Variants in CCSER1 observed in about 807,000 individuals in gnomAD.
CCSER1 encodes the protein serine-rich coiled-coil domain-containing protein 1.
In CCSER1, 41 loss-of-function variants were observed where a neutral mutation model predicts 82.0. The observed-to-expected ratio is 0.50, with a 90% confidence interval of 0.39 to 0.65. The LOEUF is 0.65. Ranked by LOEUF, CCSER1 falls within the 30% of genes least tolerant of loss-of-function variation. CCSER1 has a pLI of 0.00. For missense variants in CCSER1, 1,119 were observed against 1,064.2 expected, an observed-to-expected ratio of 1.05 and a Z score of -0.72; for synonymous variants, 414 against 383.9, an observed-to-expected ratio of 1.08 and a Z score of -0.92.
chr4:91,092,287 G>A (rs34502828), intron 10 of CCSER1, among the ~76,000 whole-genome samples: 14,570 of 152,112 alleles, frequency 0.096, 930 homozygotes, highest in East Asian at 0.27. Context: ...ATCCGTAGAG[G>A]CAGTCCAAAC....
intron 4 of CCSER1, among the ~76,000 whole-genome samples, chr4:90,451,770 T>G (rs1761491712): frequency 6.6e-6 from 1 of 152,228 alleles, no homozygotes; most frequent in Non-Finnish European, 1.5e-5. Flanking sequence ...TTGCTGCCAA[T>G]TTGGCTGCTT....
rs147586087 is a variant in CCSER1 at position 90,591,206 on chromosome 4, C to A, written c.1725-36819C>A. Among the ~76,000 whole-genome samples the A allele has an allele frequency of 2.8e-3, 423 of 152,198 alleles. 4 individuals carry two copies. The highest frequency in any genetic ancestry group is 0.017 in the South Asian group (84 of 4,818). ...ATTTGGGCTGAGAAAATGGGGTTTT[C>A]TAAATATCCAATCATGTCATCTGCA... On this transcript the variant is annotated intron_variant, in intron 5 of 10. Coordinates refer to ENST00000509176, the MANE Select transcript of CCSER1 (RefSeq NM_001145065.2).
intron 10 of CCSER1, among the ~76,000 whole-genome samples, chr4:91,116,434 C>G (rs6848271): frequency 0.17 from 25,971 of 152,030 alleles, 2,737 homozygotes; most frequent in African/African-American, 0.28. Flanking sequence ...AGAATGCCCG[C>G]GAACAAATCC....
chr4:91,396,011 C>T (rs375708088), intron 10 of CCSER1, among the ~76,000 whole-genome samples: 16 of 152,072 alleles, frequency 1.1e-4, no homozygotes, highest in African/African-American at 2.4e-4. Context: ...CCTGCTTCTT[C>T]GTGCTCCCCA....
intron 8 of CCSER1, among the ~76,000 whole-genome samples, chr4:90,917,012 A>T (rs1487404495): frequency 6.6e-6 from 1 of 152,208 alleles, no homozygotes; most frequent in Non-Finnish European, 1.5e-5. Context: ...AAGTCAGGAA[A>T]CAATGGGTGC....
At chr4:91,476,466 C>T (rs747033397) in intron 10 of CCSER1, among the ~76,000 whole-genome samples, 39 of 151,286 alleles carry the variant, frequency 2.6e-4, no homozygotes, top group Admixed American at 2.6e-3. Context: ...ATGTCCATAC[C>T]GCCCAAAGTG....
intron 3 of CCSER1, among the ~76,000 whole-genome samples, chr4:90,324,743 C>A (rs1737821557): frequency 6.6e-6 from 1 of 152,250 alleles, no homozygotes; most frequent in African/African-American, 2.4e-5. Flanking sequence ...GAAGTCCTTG[C>A]CCATGCCTAC....
intron 7 of CCSER1, chr4:90,724,682 C>A: frequency 2.8e-6 from 1 of 357,796 alleles, no homozygotes; most frequent in Middle Eastern, 4.3e-4. Context: ...TTCTTAAGAG[C>A]CTGAGGAAAA....
In CCSER1 at chr4:90,932,861, C is replaced by T. The variant is rs145858772; in HGVS notation, c.2172+9414C>T. Reference sequence around the variant, plus strand: ...AAAAAAAAAAGAAACAATGTTGTTCCGTCTCAAGAAAGGAAGGAAGGAAAG... The same window carrying T: ...AAAAAAAAAAGAAACAATGTTGTTCTGTCTCAAGAAAGGAAGGAAGGAAAG... On this transcript the variant is annotated intron_variant, in intron 9 of 10. Coordinates refer to ENST00000509176, the MANE Select transcript of CCSER1 (RefSeq NM_001145065.2). Among the ~76,000 whole-genome samples the T allele has an allele frequency of 4.7e-3, 509 of 108,084 alleles. 54 individuals are homozygous for T. Among genetic ancestry groups the T allele is most frequent in the African/African-American group, 0.018 (449 of 25,642 alleles). The allele number at this position is 108,084 out of a possible 152,430, so 70.9% of individuals were successfully genotyped here.
At chr4:91,017,589 C>G (rs1561474044) in intron 9 of CCSER1, among the ~76,000 whole-genome samples, 1 of 151,896 alleles carries the variant, frequency 6.6e-6, no homozygotes, top group South Asian at 2.1e-4. Context: ...TTTATAGTAT[C>G]CAGGTTGCCT....
chr4:90,599,154 G>T (rs536886095), intron 5 of CCSER1, among the ~76,000 whole-genome samples: 1 of 152,196 alleles, frequency 6.6e-6, no homozygotes, highest in African/African-American at 2.4e-5. Flanking sequence ...AGCAAAAATT[G>T]CAGGTATCCG....
intron 6 of CCSER1, among the ~76,000 whole-genome samples, chr4:90,712,214 A>G (rs62314442): frequency 0.058 from 8,730 of 151,722 alleles, 355 homozygotes; most frequent in Admixed American, 0.11. Flanking sequence ...TTGGTTCTCT[A>G]GTTCTTTTAC....
At chr4:90,592,308 C>T (rs1782807093) in intron 5 of CCSER1, among the ~76,000 whole-genome samples, 2 of 152,134 alleles carry the variant, frequency 1.3e-5, no homozygotes, top group Non-Finnish European at 2.9e-5. Context: ...TGTGATAATG[C>T]TTGAAAGTTG....
At chr4:90,708,002 A>C (rs755452177) in intron 6 of CCSER1, among the ~76,000 whole-genome samples, 1 of 152,172 alleles carries the variant, frequency 6.6e-6, no homozygotes, top group Non-Finnish European at 1.5e-5. Context: ...TCAGTGCTCT[A>C]TCAGCCAAAT....
intron 10 of CCSER1, among the ~76,000 whole-genome samples, chr4:91,309,555 T>A (rs1251535250): frequency 6.6e-6 from 1 of 152,042 alleles, no homozygotes; most frequent in Non-Finnish European, 1.5e-5. Context: ...TCAGACAATA[T>A]TTCATTTGTG....
intron 1 of CCSER1, among the ~76,000 whole-genome samples, chr4:90,188,230 T>C (rs1356797476): frequency 6.6e-6 from 1 of 152,004 alleles, no homozygotes; most frequent in African/African-American, 2.4e-5. Flanking sequence ...TCCTCTAGGG[T>C]ATCTTTTAAT....
intron 1 of CCSER1, among the ~76,000 whole-genome samples, chr4:90,199,150 T>C (rs184656044): frequency 6.6e-6 from 1 of 152,330 alleles, no homozygotes; most frequent in East Asian, 1.9e-4. Context: ...ATAGTGATTT[T>C]GAAACAGATT....
At chr4:90,586,915 G>T (rs183950325) in intron 5 of CCSER1, among the ~76,000 whole-genome samples, 42 of 152,282 alleles carry the variant, frequency 2.8e-4, no homozygotes, top group African/African-American at 4.8e-4. Flanking sequence ...TGGCAAAAGA[G>T]ATTTTGCAGA....
chr4:90,925,037 T>G (rs1295350190), intron 9 of CCSER1, among the ~76,000 whole-genome samples: 1 of 152,170 alleles, frequency 6.6e-6, no homozygotes, highest in Non-Finnish European at 1.5e-5. Context: ...TAAAAATTTT[T>G]TAATGAAAAT....
Sources: gnomAD v4.1 joint callset for allele counts (sites outside exome capture counted in the v4.1 genomes callset) on GRCh38, gnomAD v4.1.1 for gene constraint, MANE v1.5 for transcripts, NCBI Gene and HGNC (gene_info 2026-07-23, HGNC 2026-07-21) for gene names.